MDN1: variants seen among roughly 807,000 people sequenced by gnomAD.
The protein encoded by MDN1 is midasin AAA ATPase 1, also known as midasin.
Under a neutral mutation model 669.2 loss-of-function variants are expected in MDN1, and 266 were observed. That is an observed-to-expected ratio of 0.40 (90% CI 0.36 to 0.44). The LOEUF is 0.44. MDN1 is among the 20% of genes least tolerant of loss of function. MDN1 has a pLI of 1.00. For synonymous variants in MDN1, 2,385 were observed against 2,457.1 expected (o/e 0.97, Z 0.87); for missense variants, 5,940 against 6,754.0 (o/e 0.88, Z 4.22).
rs535419419 is a variant in MDN1, at chr6:89,664,539, C to T, written c.14184G>A (p.Glu4728=). ...SDIKGEDNAI[E]MSEDFDGKMH... is the part of the protein sequence containing the mutation. ...TTTTCCCATCAAAATCTTCCGACAT[C>T]TCAATGGCATTATCCTCGCCCTTAA... Residue 4728 remains glutamate (E), a synonymous_variant, in exon 85 of 102, where the codon GAG becomes GAA. Coordinates refer to ENST00000369393, the MANE Select transcript of MDN1 (RefSeq NM_014611.3). 23 of 1,614,078 alleles carry T rather than the reference C, an allele frequency of 1.4e-5. No homozygotes were observed. The South Asian group carries it at 2.3e-4, about 16-fold the overall frequency.
At position 89,727,298 on chromosome 6, in the gene MDN1, T is replaced by C. The variant is rs141876289; in HGVS notation, c.5472+535A>G. 5.0e-3 allele frequency among the ~76,000 whole-genome samples: 756 copies of C among 152,288 alleles called. 4 individuals are homozygous for C. The highest frequency in any genetic ancestry group is 6.1e-3 in the Non-Finnish European group (414 of 68,012). On this transcript the variant is annotated intron_variant, in intron 37 of 101. Transcript: ENST00000369393. Reference sequence around the variant, plus strand: ...TCAGCTCCACAAATATTTCTAGCCTTTTCCTGAATATTGTACACCCCAAAC... The same window carrying C: ...TCAGCTCCACAAATATTTCTAGCCTCTTCCTGAATATTGTACACCCCAAAC...
At chr6:89,804,337 A>T (rs1767874987) in intron 1 of MDN1, among the ~76,000 whole-genome samples, 1 of 152,114 alleles carries the variant, frequency 6.6e-6, no homozygotes, top group Non-Finnish European at 1.5e-5. Context: ...TATCGTGGAA[A>T]TTTTTTGCAA....
rs1348461527 is a variant in MDN1 at position 89,658,722 on chromosome 6, T to C, written c.14909A>G (p.Gln4970Arg). The C allele has an allele frequency of 6.2e-7, 1 of 1,614,092 alleles. No individual in the cohort carries two copies. Among genetic ancestry groups the C allele is most frequent in the African/African-American group, 1.3e-5 (1 of 74,934 alleles). Residue 4970 changes from glutamine to arginine, a missense_variant, in exon 89 of 102, where the codon CAG becomes CGG. This residue lies in a region of MDN1 where 2,280 missense variants were observed against 2,576.3 expected (regional missense o/e 0.88). Transcript: ENST00000369393. ...CTCCTCAGAGTGTTCTTCAGGATGC[T>C]GAGCAGCATCTCCATCTTGGTCATC... ...GADDQDGDAA[Q>R]HPEEHSEEQQ...
intron 69 of MDN1, among the ~76,000 whole-genome samples, chr6:89,686,605 A>G (rs1249179540): frequency 6.6e-6 from 1 of 152,242 alleles, no homozygotes; most frequent in Non-Finnish European, 1.5e-5. Flanking sequence ...GTCAGCTTTC[A>G]GTTTGACTTC....
intron 64 of MDN1, among the ~76,000 whole-genome samples, 158 bp from the exon 65 acceptor site, chr6:89,690,301 A>G (rs1812297397): frequency 6.6e-6 from 1 of 152,188 alleles, no homozygotes; most frequent in South Asian, 2.1e-4. Flanking sequence ...GGCTGGGCAC[A>G]GTGGCTCACA....
rs375894688 is a variant in MDN1, at chr6:89,686,999, A to G, written c.11475T>C (p.Asn3825=). ...ATTTCTCGGTGTGGCGCTTCATAGT[A>G]TTATCCAAACTCATGGACCAGCAGC... ...ELNCWSMSLD[N]TMKRHTEKST... Residue 3825 remains asparagine (N), a synonymous_variant, in exon 69 of 102, where the codon AAT becomes AAC. Transcript: ENST00000369393. 16 of 1,613,632 alleles carry G rather than the reference A, an allele frequency of 9.9e-6. 1 individual carries two copies. The East Asian group carries it at 2.7e-4, about 27-fold the overall frequency.
At chr6:89,720,691 G>T (rs1814758762) in intron 40 of MDN1, among the ~76,000 whole-genome samples, 2 of 152,154 alleles carry the variant, frequency 1.3e-5, no homozygotes, top group East Asian at 1.9e-4. Context: ...AGTGGATGAA[G>T]AAATTAAAAT....
chr6:89,675,431 T>A, intron 78 of MDN1, 33 bp downstream of exon 78: 1 of 1,576,032 alleles, frequency 6.3e-7, no homozygotes, highest in Non-Finnish European at 8.7e-7. Flanking sequence ...TTCTTCCCAA[T>A]TCATGCCACA....
Position 89,794,115 on chromosome 6 carries a change from A to G in MDN1, c.647T>C (p.Ile216Thr). Residue 216 changes from isoleucine (I) to threonine (T), a missense_variant, in exon 4 of 102, where the codon ATC becomes ACC. This residue lies in a region of MDN1 where 1,203 missense variants were observed against 1,268.9 expected (regional missense o/e 0.95). Transcript: ENST00000369393. ...TCCTGCTTACCTCAACCTGAAATGG[A>G]TCAATTCATCACTATTAAATATCTT... is the stretch of plus-strand genomic sequence containing the variant. ...LKKIFNSDELIHFRLRLLEEA... is the reference protein window; with the variant it reads ...LKKIFNSDELTHFRLRLLEEA... 1 of 1,583,674 alleles carries G rather than the reference A, an allele frequency of 6.3e-7. No individual in the cohort carries two copies. Among genetic ancestry groups the G allele is most frequent in the Non-Finnish European group, 8.6e-7 (1 of 1,165,812 alleles).
At chr6:89,742,224 C>G (rs1245151986) in intron 31 of MDN1, among the ~76,000 whole-genome samples, 1 of 152,160 alleles carries the variant, frequency 6.6e-6, no homozygotes, top group Non-Finnish European at 1.5e-5. Context: ...ACCAGCCTAG[C>G]CAACATGGCA....
intron 71 of MDN1, among the ~76,000 whole-genome samples, chr6:89,684,207 G>A (rs1811845136): frequency 6.6e-6 from 1 of 152,106 alleles, no homozygotes; most frequent in Non-Finnish European, 1.5e-5. Context: ...GCCGGGCTTG[G>A]TGGCTTGCAC....
chr6:89,661,378 T>A, intron 88 of MDN1, 53 bp downstream of exon 88: 10 of 1,566,728 alleles, frequency 6.4e-6, no homozygotes, highest in Non-Finnish European at 7.8e-6. Context: ...AGAAATCAAT[T>A]ACTGTTCACT....
At chr6:89,796,937 G>A (rs1331494628) in intron 2 of MDN1, among the ~76,000 whole-genome samples, 3 of 151,990 alleles carry the variant, frequency 2.0e-5, no homozygotes, top group African/African-American at 4.8e-5. Context: ...GCGTGGTTAT[G>A]CAAGCCTGTA....
chr6:89,644,367 G>A lies in MDN1; in HGVS notation c.16603-174C>T, dbSNP rs1378851231. 1.1e-4 allele frequency among the ~76,000 whole-genome samples: 16 copies of A among 152,152 alleles called. No individual in the cohort carries two copies. In the East Asian group the frequency reaches 3.1e-3, roughly 29 times the overall value. On this transcript the variant is annotated intron_variant, in intron 101 of 101. Transcript: ENST00000369393. ...ATTTTCAGAACTCTACTAAGAAGGAGGTAGATGTCTTTCTGAGTGCCCCTT... is the reference window on the plus strand; with the variant it reads ...ATTTTCAGAACTCTACTAAGAAGGAAGTAGATGTCTTTCTGAGTGCCCCTT...
chr6:89,685,773 G>A, intron 70 of MDN1, 54 bp downstream of exon 70: 1 of 1,585,928 alleles, frequency 6.3e-7, no homozygotes. Context: ...AGAATTCAAA[G>A]CCTAACTCAT....
At position 89,686,023 on chromosome 6, in the gene MDN1, C is replaced by CCT. The variant is rs767430713; in HGVS notation, c.11573-52_11573-51dup. 4.0e-5 allele frequency: 63 copies of CCT among 1,571,066 alleles called. No homozygotes were observed. In the South Asian group the frequency reaches 5.4e-4, roughly 14 times the overall value. On this transcript the variant is annotated intron_variant, in intron 69 of 101. Coordinates refer to ENST00000369393, the MANE Select transcript of MDN1 (RefSeq NM_014611.3). ...ATATATGTTCCTTCGACCATGACTC[C>CCT]CTATTCCTAACATGCACGCAATCTA...
chr6:89,705,575 C>T (rs748000734), intron 53 of MDN1, among the ~76,000 whole-genome samples: 54 of 152,276 alleles, frequency 3.5e-4, no homozygotes, highest in African/African-American at 1.3e-3. Flanking sequence ...GAGGAATGAA[C>T]TACTGATACA....
chr6:89,730,822 G>T lies in MDN1; in HGVS notation c.5044C>A (p.Gln1682Lys), dbSNP rs1815543821. ...LAKIVRLTEY[Q>K]KNELKIYDRM... ...TCATAAATCTTCAACTCATTTTTCT[G>T]ATATTCTGTAAGTCGTACTATCTTG... The change falls in exon 35 of 102, where the codon CAG (glutamine) becomes AAG (lysine). Residue 1682 changes from glutamine (Q) to lysine (K), a missense_variant. Transcript: ENST00000369393. 7 of 1,613,810 alleles carry T rather than the reference G, an allele frequency of 4.3e-6. No homozygotes were observed. Among genetic ancestry groups the T allele is most frequent in the Non-Finnish European group, 5.9e-6 (7 of 1,179,932 alleles).
chr6:89,736,802 C>T (rs1251018017), intron 33 of MDN1, among the ~76,000 whole-genome samples: 1 of 152,104 alleles, frequency 6.6e-6, no homozygotes, highest in African/African-American at 2.4e-5. Flanking sequence ...CACAACCCCC[C>T]AGAAAAGTCT....
Sources: allele counts gnomAD v4.1 joint callset (sites outside exome capture counted in the v4.1 genomes callset), GRCh38; gene constraint gnomAD v4.1.1; regional missense constraint gnomAD v4.1.1; transcripts MANE v1.5; gene names NCBI Gene and HGNC (gene_info 2026-07-23, HGNC 2026-07-21).